Variants in GRID2 observed in about 807,000 individuals in gnomAD.
GRID2 encodes the protein glutamate receptor ionotropic, delta-2.
A neutral mutation model predicts 114.8 loss-of-function variants in GRID2; 33 were observed. The ratio of observed to expected loss-of-function variants is 0.29; its 90% confidence interval spans 0.22 to 0.38. The LOEUF is 0.38. Ranked by LOEUF, GRID2 falls within the 10% of genes least tolerant of loss-of-function variation. The pLI, the probability that GRID2 is intolerant of heterozygous loss-of-function variation, is 1.00. For synonymous variants in GRID2, 505 were observed against 449.9 expected, an observed-to-expected ratio of 1.12 and a Z score of -1.55; for missense variants, 1,184 against 1,257.7, an observed-to-expected ratio of 0.94 and a Z score of 0.89.
intron 13 of GRID2, among the ~76,000 whole-genome samples, chr4:93,555,507 G>A (rs1025788145): frequency 2.6e-5 from 4 of 152,194 alleles, no homozygotes; most frequent in African/African-American, 4.8e-5. Flanking sequence ...TTCGAACTGG[G>A]CGGAGCCCAC....
chr4:93,144,608 C>T (rs879067112), intron 4 of GRID2, among the ~76,000 whole-genome samples: 3 of 152,078 alleles, frequency 2.0e-5, no homozygotes, highest in Admixed American at 1.3e-4. Flanking sequence ...AATCTAAGTA[C>T]TTGAATAAGT....
intron 2 of GRID2, among the ~76,000 whole-genome samples, chr4:92,600,491 G>A (rs527673591): frequency 7.9e-5 from 12 of 152,242 alleles, no homozygotes; most frequent in African/African-American, 2.9e-4. Flanking sequence ...GTGTTGCACA[G>A]TTCAAAGTTT....
intron 8 of GRID2, among the ~76,000 whole-genome samples, chr4:93,324,465 G>A (rs563041062): frequency 5.9e-5 from 9 of 152,122 alleles, no homozygotes; most frequent in African/African-American, 2.2e-4. Context: ...TTTTCAAATC[G>A]ATGTTCATCA....
intron 14 of GRID2, among the ~76,000 whole-genome samples, chr4:93,673,416 G>A (rs1452466866): frequency 6.6e-6 from 1 of 152,036 alleles, no homozygotes; most frequent in Admixed American, 6.5e-5. Context: ...ATGCAAAAAA[G>A]ACAATTATTG....
intron 1 of GRID2, among the ~76,000 whole-genome samples, chr4:92,318,892 T>C (rs1726156863): frequency 6.6e-6 from 1 of 152,102 alleles, no homozygotes. Context: ...ACAGCATCTT[T>C]GAATCTTTGT....
intron 1 of GRID2, among the ~76,000 whole-genome samples, chr4:92,571,468 G>T (rs1269702344): frequency 1.3e-5 from 2 of 152,064 alleles, no homozygotes; most frequent in Admixed American, 6.6e-5. Context: ...ACATTAGACA[G>T]ATCAATGAGA....
intron 8 of GRID2, among the ~76,000 whole-genome samples, chr4:93,254,404 A>T (rs571738027): frequency 1.2e-3 from 178 of 152,258 alleles, no homozygotes; most frequent in African/African-American, 4.2e-3. Context: ...AATCACCCTG[A>T]GTAAGTCACT....
chr4:93,799,509 A>G (rs922233180), intron 1 of GRID2, among the ~76,000 whole-genome samples: 3 of 152,138 alleles, frequency 2.0e-5, no homozygotes, highest in Non-Finnish European at 4.4e-5. Context: ...AATCAAAAGA[A>G]AAGAACAGAA....
intron 3 of GRID2, among the ~76,000 whole-genome samples, chr4:93,109,376 T>A (rs1427042011): frequency 6.6e-6 from 1 of 152,226 alleles, no homozygotes; most frequent in African/African-American, 2.4e-5. Context: ...TTTACAACTA[T>A]TTTGAAATGA....
rs533199234 is a variant in GRID2 at position 92,703,080 on chromosome 4, A to G, written c.244+112794A>G. Among the ~76,000 whole-genome samples the G allele has an allele frequency of 6.6e-5, 10 of 152,286 alleles. No individual in the cohort carries two copies. The South Asian group carries it at 2.1e-3, about 32-fold the overall frequency. On this transcript the variant is annotated intron_variant, in intron 2 of 15. Coordinates refer to ENST00000282020, the MANE Select transcript of GRID2 (RefSeq NM_001510.4). ...CAGTTTGAAAAAATTACCATATATG[A>G]ATAGAATTAAGCTTAGCAAGGAAGA...
At chr4:93,542,228 C>T (rs1027255074) in intron 13 of GRID2, among the ~76,000 whole-genome samples, 5 of 152,104 alleles carry the variant, frequency 3.3e-5, no homozygotes, top group Admixed American at 6.5e-5. Flanking sequence ...TGTGTTTCTA[C>T]CCACCTAAAA....
intron 2 of GRID2, among the ~76,000 whole-genome samples, chr4:93,010,877 TC>T (rs1387235366): frequency 9.2e-5 from 14 of 152,124 alleles, no homozygotes; most frequent in African/African-American, 3.4e-4. Flanking sequence ...TTTCTTCATT[TC>T]CTTCTTCAAT....
At chr4:93,039,038 A>G (rs990503807) in intron 2 of GRID2, among the ~76,000 whole-genome samples, 1 of 152,206 alleles carries the variant, frequency 6.6e-6, no homozygotes, top group African/African-American at 2.4e-5. Flanking sequence ...TTGGGTTACT[A>G]TTCACAATAG....
intron 2 of GRID2, among the ~76,000 whole-genome samples, chr4:92,700,973 G>A (rs1734645912): frequency 7.1e-6 from 1 of 141,402 alleles, no homozygotes; most frequent in Non-Finnish European, 1.5e-5. Context: ...CAGCCTGGGC[G>A]ACAGAGCGAG....
intron 14 of GRID2, among the ~76,000 whole-genome samples, chr4:93,631,356 T>C (rs911199398): frequency 2.0e-5 from 3 of 152,170 alleles, no homozygotes; most frequent in Non-Finnish European, 4.4e-5. Context: ...CCTAATGCTA[T>C]CCCTCCCCAC....
In GRID2 at chr4:93,244,481, TATATA is replaced by T. The variant is rs1561035254; in HGVS notation, c.1245+5994_1245+5998del. Among the ~76,000 whole-genome samples the T allele has an allele frequency of 2.4e-5, 3 of 123,946 alleles. No individual in the cohort carries two copies. The Admixed American group carries it at 2.5e-4, about 10-fold the overall frequency. 81.3% of individuals were successfully genotyped at this position (123,946 alleles called of 152,430 possible). ...TACTGCTTCGCAAAGGATATTATAT[TATATA>T]ATCTATTAATTAATAGATTATATAA... On this transcript the variant is annotated intron_variant, in intron 8 of 15. Transcript: ENST00000282020.
rs564526540 is a variant in GRID2 at position 92,700,357 on chromosome 4, C to A, written c.244+110071C>A. On this transcript the variant is annotated intron_variant, in intron 2 of 15. Transcript: ENST00000282020. ...ATCATTGATTGCTCACAATTCTCAT[C>A]TTTAACCATGCTGAAACTTCTACTA... 1.1e-4 allele frequency among the ~76,000 whole-genome samples: 16 copies of A among 152,270 alleles called. No homozygotes were observed. In the East Asian group the frequency reaches 2.9e-3, roughly 28 times the overall value.
chr4:93,139,785 G>A (rs754469126), intron 4 of GRID2, among the ~76,000 whole-genome samples: 58 of 151,032 alleles, frequency 3.8e-4, no homozygotes, highest in Admixed American at 1.7e-3. Flanking sequence ...GACACACATA[G>A]CTGTAAATTA....
At chr4:93,198,074 A>G (rs2149456095) in intron 4 of GRID2, among the ~76,000 whole-genome samples, 1 of 152,264 alleles carries the variant, frequency 6.6e-6, no homozygotes, top group African/African-American at 2.4e-5. Context: ...AGTTAGGGCT[A>G]TATGGTTCTC....
Sources: gnomAD v4.1 joint callset for allele counts (sites outside exome capture counted in the v4.1 genomes callset) on GRCh38, gnomAD v4.1.1 for gene constraint, MANE v1.5 for transcripts, NCBI Gene and HGNC (gene_info 2026-07-23, HGNC 2026-07-21) for gene names.